Variants in ARHGAP39 observed in about 807,000 individuals in gnomAD.
The protein encoded by ARHGAP39 is Rho GTPase activating protein 39.
A neutral mutation model predicts 106.9 loss-of-function variants in ARHGAP39; 44 were observed. The observed-to-expected ratio is 0.41, with a 90% confidence interval of 0.32 to 0.53. ARHGAP39 has a LOEUF of 0.53. Among genes scored for constraint, ARHGAP39 ranks in the 20% least tolerant of loss-of-function variants. The probability of loss-of-function intolerance (pLI) is 0.21; values close to 1 mark genes in which losing one functional copy is unlikely to be tolerated. For synonymous variants in ARHGAP39, 768 were observed against 693.2 expected (o/e 1.11, Z -1.69); for missense variants, 1,496 against 1,577.3 (o/e 0.95, Z 0.87).
intron 3 of ARHGAP39, among the ~76,000 whole-genome samples, chr8:144,556,325 T>C (rs1817918897): frequency 6.6e-6 from 1 of 150,476 alleles, no homozygotes; most frequent in Non-Finnish European, 1.5e-5. Flanking sequence ...TTGGAGACTG[T>C]GACTGCTGAA....
chr8:144,692,442 C>T, the ARHGAP39 span, among the ~76,000 whole-genome samples: 23 of 152,322 alleles, frequency 1.5e-4, no homozygotes, highest in South Asian at 3.5e-3. Context: ...CTGGGGCAGC[C>T]GCAGGAAAGC....
chr8:144,638,747 T>A (rs1821238198), intron 1 of ARHGAP39, among the ~76,000 whole-genome samples: 1 of 152,242 alleles, frequency 6.6e-6, no homozygotes, highest in African/African-American at 2.4e-5. Context: ...TTCGAGACTT[T>A]TGAGTGTTCT....
intron 1 of ARHGAP39, among the ~76,000 whole-genome samples, chr8:144,661,932 C>T (rs1821833226): frequency 6.6e-6 from 1 of 150,614 alleles, no homozygotes; most frequent in African/African-American, 2.5e-5. Flanking sequence ...CATTATCCAC[C>T]TTGGACAGCT....
At chr8:144,567,797 C>T (rs2130879517) in intron 3 of ARHGAP39, among the ~76,000 whole-genome samples, 1 of 152,346 alleles carries the variant, frequency 6.6e-6, no homozygotes, top group East Asian at 1.9e-4. Flanking sequence ...GGAAGGGCCC[C>T]CTGGCCAGTG....
rs756739419 is a variant in ARHGAP39, at chr8:144,548,237, C to T, written c.849G>A (p.Gly283=). The change falls in exon 5 of 12, where the codon GGG becomes GGA. Residue 283 remains glycine (G), a synonymous_variant. Coordinates refer to ENST00000377307, the MANE Select transcript of ARHGAP39 (RefSeq NM_025251.3). This position sits in a 1 kb window ranked among gnomAD's most constrained non-coding sequence, Gnocchi z 7.4. ...SPFLKRAELP[G]SSSPLLAQPR... ...GCTGGGCCAGCAGCGGGGAGCTGCT[C>T]CCTGGGAGCTCGGCCCTCTTCAGGA... The T allele has an allele frequency of 1.6e-5, 26 of 1,608,398 alleles. No homozygotes were observed. The highest frequency in any genetic ancestry group is 2.0e-5 in the Non-Finnish European group (24 of 1,177,326).
At chr8:144,555,415 TG>T in intron 4 of ARHGAP39, 144 bp downstream of exon 4, 1 of 734,752 alleles carries the variant, frequency 1.4e-6, no homozygotes, top group Non-Finnish European at 2.4e-6. Flanking sequence ...TCCAGGCCCC[TG>T]GCCCTGTGGC....
At chr8:144,694,187 T>C in the ARHGAP39 span, among the ~76,000 whole-genome samples, 1 of 152,058 alleles carries the variant, frequency 6.6e-6, no homozygotes, top group Non-Finnish European at 1.5e-5. Context: ...TTCTGGTTGT[T>C]GTGAGGAATA....
chr8:144,601,479 C>T (rs1180178587), intron 2 of ARHGAP39, among the ~76,000 whole-genome samples: 2 of 127,900 alleles, frequency 1.6e-5, no homozygotes, highest in Non-Finnish European at 3.2e-5. Flanking sequence ...TGTGTGCGAG[C>T]TCATGTACCT....
intron 6 of ARHGAP39, among the ~76,000 whole-genome samples, chr8:144,542,826 C>A (rs1249414041): frequency 1.3e-5 from 2 of 151,968 alleles, no homozygotes; most frequent in Admixed American, 1.3e-4. Context: ...GTGGTCCCTG[C>A]TACACGGGAG....
upstream of ARHGAP39, among the ~76,000 whole-genome samples, chr8:144,687,745 T>C (rs71515634): frequency 6.3e-4 from 38 of 60,782 alleles, no homozygotes; most frequent in East Asian, 1.2e-3. Context: ...ACATTTACAG[T>C]GAGCACTTCC....
chr8:144,639,069 G>A (rs952749131), intron 1 of ARHGAP39, among the ~76,000 whole-genome samples: 8 of 152,194 alleles, frequency 5.3e-5, no homozygotes, highest in African/African-American at 1.7e-4. Context: ...GCTCACGCCT[G>A]TAATCCCGAC....
chr8:144,538,660 C>T (rs1017486210), intron 6 of ARHGAP39, among the ~76,000 whole-genome samples: 15 of 152,118 alleles, frequency 9.9e-5, no homozygotes, highest in Non-Finnish European at 2.1e-4. Flanking sequence ...GCAGCCTCCA[C>T]CTCCCGGGTT....
Position 144,641,386 on chromosome 8 carries a change from G to T in ARHGAP39, c.-81-35691C>A, listed in dbSNP as rs758586264. Among the ~76,000 whole-genome samples, 1 of 152,006 alleles carries T rather than the reference G, an allele frequency of 6.6e-6. No individual in the cohort carries two copies. Among genetic ancestry groups the T allele is most frequent in the Non-Finnish European group, 1.5e-5 (1 of 67,994 alleles). The stretch of plus-strand genomic sequence containing the variant: ...AATGAGACAACATGGAGATGCAGAC[G>T]CAGGCAGATGATGGGCTGGTAAAGC... On this transcript the variant is annotated intron_variant, in intron 1 of 11. Transcript: ENST00000377307. The surrounding 1 kb of genome is among the most constrained non-coding windows in gnomAD (Gnocchi z 5.2).
In ARHGAP39 at chr8:144,581,105, C is replaced by A; in HGVS notation, c.253G>T (p.Ala85Ser). The A allele has an allele frequency of 6.3e-7, 1 of 1,592,286 alleles. No homozygotes were observed. The highest frequency in any genetic ancestry group is 1.3e-5 in the African/African-American group (1 of 74,834). ...TGCCACACCGTGCGCTGCGTGCTGG[C>A]ATTGTAGTAGTAGAAGCGGGACGTG... Reference protein sequence around the residue: ...PNTSRFYYYNASTQRTVWHRP... With the variant: ...PNTSRFYYYNSSTQRTVWHRP... Residue 85 changes from alanine to serine, a missense_variant, in exon 3 of 12, where the codon GCC becomes TCC. Ala to Ser is a moderately conservative substitution (Grantham distance 99, BLOSUM62 1). Around this residue, in one of 4 missense-constraint regions of ARHGAP39, gnomAD observed 25 missense variants for 48.0 expected, o/e 0.52. Transcript: ENST00000377307.
rs1822522686 is a variant in ARHGAP39, at chr8:144,684,431, C to G, written c.-82+1255G>C. Reference sequence around the variant, plus strand: ...TCACTGGCTTCAAAAGACAAATCTCCGTATTGTTGTACCAGGAGGCACGAG... The same window carrying G: ...TCACTGGCTTCAAAAGACAAATCTCGGTATTGTTGTACCAGGAGGCACGAG... On this transcript the variant is annotated intron_variant, in intron 1 of 11. Coordinates refer to ENST00000377307, the MANE Select transcript of ARHGAP39 (RefSeq NM_025251.3). The surrounding 1 kb of genome is among the most constrained non-coding windows in gnomAD (Gnocchi z 4.4). 6.6e-6 allele frequency among the ~76,000 whole-genome samples: 1 copy of G among 152,180 alleles called. No individual in the cohort carries two copies.
Position 144,545,501 on chromosome 8 carries a change from G to A in ARHGAP39, c.2269C>T (p.Arg757Trp). 2.5e-6 allele frequency: 4 copies of A among 1,608,430 alleles called. No homozygotes were observed. The highest frequency in any genetic ancestry group is 3.4e-6 in the Non-Finnish European group (4 of 1,176,000). Residue 757 changes from arginine to tryptophan, a missense_variant, in exon 6 of 12, where the codon CGG (arginine) becomes TGG (tryptophan). Arg to Trp is a moderately radical substitution (Grantham distance 101, BLOSUM62 -3). Around this residue, in one of 4 missense-constraint regions of ARHGAP39, gnomAD observed 470 missense variants for 605.1 expected, o/e 0.78. Transcript: ENST00000377307. ...TGCAGTGGGTCGGCCTTGGCCCGCCGGTCACCCATGTACATCTGGATCAGC... is the reference window on the plus strand; with the variant it reads ...TGCAGTGGGTCGGCCTTGGCCCGCCAGTCACCCATGTACATCTGGATCAGC... ...FKLIQMYMGD[R>W]RAKADPLHVA...
intron 10 of ARHGAP39, 120 bp from the exon 11 acceptor site, chr8:144,530,991 A>G: frequency 1.5e-6 from 2 of 1,291,022 alleles, no homozygotes; most frequent in East Asian, 2.5e-5. Flanking sequence ...GGGCCGGCTC[A>G]TTCTGGACAG....
In ARHGAP39 at chr8:144,586,089, C is replaced by T. The variant is rs1235769552; in HGVS notation, c.81-4812G>A. 6.6e-6 allele frequency among the ~76,000 whole-genome samples: 1 copy of T among 152,220 alleles called. No homozygotes were observed. On this transcript the variant is annotated intron_variant, in intron 2 of 11. Transcript: ENST00000377307. This position sits in a 1 kb window ranked among gnomAD's most constrained non-coding sequence, Gnocchi z 4.2. The stretch of plus-strand genomic sequence containing the variant: ...CACCTCCCAGGTTTAAGCAGTTCTC[C>T]TGCCTCAGTCCCCCAAGTAGCTGGG...
At chr8:144,531,271 G>A (rs1273255585) in intron 10 of ARHGAP39, among the ~76,000 whole-genome samples, 7,099 of 45,858 alleles carry the variant, frequency 0.15, 941 homozygotes, top group Non-Finnish European at 0.24. Flanking sequence ...TGGGGAGTGG[G>A]CTAGACATAG....
Sources: allele counts gnomAD v4.1 joint callset (sites outside exome capture counted in the v4.1 genomes callset), GRCh38; gene constraint gnomAD v4.1.1; regional missense constraint gnomAD v4.1.1; non-coding constraint Gnocchi (gnomAD v3.1); transcripts MANE v1.5; gene names NCBI Gene and HGNC (gene_info 2026-07-23, HGNC 2026-07-21).